Variants in ANO4 observed in about 807,000 individuals in gnomAD.
ANO4 encodes anoctamin-4.
A neutral mutation model predicts 141.9 loss-of-function variants in ANO4; 69 were observed. The ratio of observed to expected loss-of-function variants is 0.49; its 90% CI spans 0.40 to 0.59. ANO4 has a LOEUF of 0.59. Ranked by LOEUF, ANO4 falls within the 20% of genes least tolerant of loss-of-function variation. ANO4 has a pLI of 0.00. For synonymous variants in ANO4, 350 were observed against 394.3 expected (o/e 0.89, Z 1.33); for missense variants, 894 against 1,162.2 (o/e 0.77, Z 3.36).
intron 17 of ANO4, among the ~76,000 whole-genome samples, chr12:101,092,964 C>T (rs182146074): frequency 3.9e-5 from 6 of 152,222 alleles, no homozygotes; most frequent in East Asian, 1.9e-4. Context: ...ATAATGCCTT[C>T]GTAATACATT....
chr12:101,008,557 A>G (rs1394624899), intron 8 of ANO4, among the ~76,000 whole-genome samples: 1 of 152,186 alleles, frequency 6.6e-6, no homozygotes, highest in African/African-American at 2.4e-5. Flanking sequence ...CTATTTACAT[A>G]ATGACTATAC....
chr12:101,080,561 G>C (rs2049203761), intron 15 of ANO4, among the ~76,000 whole-genome samples: 1 of 152,060 alleles, frequency 6.6e-6, no homozygotes, highest in South Asian at 2.1e-4. Context: ...TTCAGGCCAG[G>C]AGGAGGATTT....
At chr12:100,830,456 G>A (rs571420775) in intron 1 of ANO4, among the ~76,000 whole-genome samples, 5 of 152,022 alleles carry the variant, frequency 3.3e-5, no homozygotes, top group Non-Finnish European at 1.5e-5. Context: ...CTACTTGAGT[G>A]TTCCAGTGTA....
Position 101,126,991 on chromosome 12 carries a change from A to G in ANO4, c.2789A>G (p.Glu930Gly). Residue 930 changes from glutamate (E) to glycine (G), a missense_variant, in exon 27 of 28, where the codon GAA becomes GGA. By Grantham distance (98) the Glu-to-Gly change is moderately conservative (BLOSUM62 -2). This residue lies in a region of ANO4 where 637 missense variants were observed against 909.2 expected (regional missense o/e 0.70). Coordinates refer to ENST00000392977, the MANE Select transcript of ANO4 (RefSeq NM_001286615.2). ...TACTTGATTCAGGAGATGATGTATG[A>G]AGCAGAACTGGAACGTCTCCAGAAG... ...EKYLIQEMMYEAELERLQKER... is the reference protein window; with the variant it reads ...EKYLIQEMMYGAELERLQKER... The G allele has an allele frequency of 3.1e-6, 5 of 1,614,212 alleles. No individual in the cohort carries two copies. Among genetic ancestry groups the G allele is most frequent in the Non-Finnish European group, 4.2e-6 (5 of 1,180,044 alleles).
At chr12:100,893,011 A>C (rs928786787) in intron 1 of ANO4, among the ~76,000 whole-genome samples, 1 of 152,150 alleles carries the variant, frequency 6.6e-6, no homozygotes, top group Non-Finnish European at 1.5e-5. Flanking sequence ...CATTCAGGGG[A>C]CATATATATA....
intron 3 of ANO4, among the ~76,000 whole-genome samples, chr12:100,754,089 C>T (rs910063987): frequency 1.3e-5 from 2 of 152,186 alleles, no homozygotes; most frequent in African/African-American, 4.8e-5. Context: ...TTTACTGGGC[C>T]AGGTTCTATG....
At position 100,901,720 on chromosome 12, in the gene ANO4, G is replaced by A. The variant is rs1320169078; in HGVS notation, c.-66G>A. ...ACGGCGAAGTGTGGCAAGCCGCCCA[G>A]CGTCACGTCGTCGCCTGCCTGTGGT... On this transcript the variant is annotated 5_prime_UTR_variant, in exon 2 of 28. Transcript: ENST00000392977. 4.8e-6 allele frequency: 7 copies of A among 1,452,662 alleles called. No individual in the cohort carries two copies. In the African/African-American group the frequency reaches 7.0e-5, roughly 15 times the overall value. The allele number at this position is 1,452,662 out of a possible 1,614,324, so 90.0% of individuals were successfully genotyped here. A position where few individuals can be genotyped will look rare whatever the true frequency, so the allele number is the denominator to read the frequency against.
At chr12:100,997,798 A>G (rs1304632099) in intron 8 of ANO4, among the ~76,000 whole-genome samples, 1 of 152,138 alleles carries the variant, frequency 6.6e-6, no homozygotes, top group Non-Finnish European at 1.5e-5. Flanking sequence ...AAATTCTTGC[A>G]CAGGGTCATT....
At chr12:101,075,723 AT>A (rs1233629623) in intron 14 of ANO4, among the ~76,000 whole-genome samples, 2 of 124,990 alleles carry the variant, frequency 1.6e-5, no homozygotes, top group Non-Finnish European at 3.7e-5. Context: ...ACAAATATAT[AT>A]ATCTTTATAT....
At chr12:101,090,772 T>C (rs1003929813) in intron 17 of ANO4, among the ~76,000 whole-genome samples, 4 of 152,120 alleles carry the variant, frequency 2.6e-5, no homozygotes, top group African/African-American at 9.7e-5. Context: ...AATGCCTATG[T>C]ACAGGAAGTG....
At chr12:100,867,557 A>G (rs536756111) in intron 1 of ANO4, among the ~76,000 whole-genome samples, 4 of 152,002 alleles carry the variant, frequency 2.6e-5, no homozygotes, top group African/African-American at 9.7e-5. Flanking sequence ...TACTCGGTCT[A>G]CCCATTCCAA....
chr12:101,011,323 T>TC (rs1203299892), intron 8 of ANO4, among the ~76,000 whole-genome samples: 1 of 150,806 alleles, frequency 6.6e-6, no homozygotes, highest in East Asian at 1.9e-4. Flanking sequence ...TTTTTCTTTT[T>TC]TTTTTTTTTT....
intron 1 of ANO4, among the ~76,000 whole-genome samples, chr12:100,849,506 T>C: frequency 6.6e-6 from 1 of 152,194 alleles, no homozygotes; most frequent in East Asian, 1.9e-4. Context: ...GCTGTCTGTT[T>C]GCTTTTTTAC....
intron 5 of ANO4, among the ~76,000 whole-genome samples, chr12:100,945,220 C>T (rs965520592): frequency 2.0e-5 from 3 of 152,146 alleles, no homozygotes; most frequent in Admixed American, 6.5e-5. Flanking sequence ...CTTTCTAGTT[C>T]AGTTTAACAT....
At chr12:100,728,358 T>C (rs946912420) in intron 1 of ANO4, among the ~76,000 whole-genome samples, 7 of 152,224 alleles carry the variant, frequency 4.6e-5, no homozygotes, top group Admixed American at 4.6e-4. Context: ...TAGATCTTGT[T>C]CTGTATGGAG....
intron 5 of ANO4, among the ~76,000 whole-genome samples, chr12:100,957,820 C>G (rs946117714): frequency 6.6e-6 from 1 of 152,216 alleles, no homozygotes; most frequent in Admixed American, 6.5e-5. Flanking sequence ...TCATAAATTA[C>G]CCCATCTCAG....
At chr12:100,922,196 A>G in intron 2 of ANO4, 30 bp from the exon 3 acceptor site, 1 of 1,494,686 alleles carries the variant, frequency 6.7e-7, no homozygotes, top group Non-Finnish European at 8.9e-7. Context: ...TAACCAGTGC[A>G]AACTCCATGA....
chr12:100,957,669 C>A (rs1257369935), intron 5 of ANO4, among the ~76,000 whole-genome samples: 1 of 152,218 alleles, frequency 6.6e-6, no homozygotes, highest in Non-Finnish European at 1.5e-5. Flanking sequence ...CAGCTCACTG[C>A]AAACTCCACC....
chr12:100,911,737 G>A lies in ANO4; in HGVS notation c.55+9897G>A, dbSNP rs540166402. 2.6e-5 allele frequency among the ~76,000 whole-genome samples: 4 copies of A among 152,280 alleles called. No individual in the cohort carries two copies. In the East Asian group the frequency reaches 5.8e-4, roughly 22 times the overall value. On this transcript the variant is annotated intron_variant, in intron 2 of 27. Coordinates refer to ENST00000392977, the MANE Select transcript of ANO4 (RefSeq NM_001286615.2). ...TAAAGAGCAGTACCAGAAGATGTGG[G>A]GAGAGGGAGAGGAGAGGATTATTAA...
Sources: gnomAD v4.1 joint callset for allele counts (sites outside exome capture counted in the v4.1 genomes callset) on GRCh38, gnomAD v4.1.1 for gene constraint, gnomAD v4.1.1 regional missense constraint, MANE v1.5 for transcripts, NCBI Gene and HGNC (gene_info 2026-07-23, HGNC 2026-07-21) for gene names.